Variants in GPC6 observed in about 807,000 individuals in gnomAD.
GPC6 encodes the protein glypican-6.
GPC6 carries 14 observed loss-of-function variants against 55.2 expected under a neutral mutation model. That is an observed-to-expected ratio of 0.25 (90% confidence interval 0.17 to 0.40). GPC6 has a LOEUF of 0.40. Among genes scored for constraint, GPC6 ranks in the 10% least tolerant of loss-of-function variants. The pLI is 1.00. For missense variants in GPC6, 641 were observed against 708.5 expected (o/e 0.90, Z 1.08); for synonymous variants, 278 against 259.6 (o/e 1.07, Z -0.68).
chr13:94,153,981 A>ACT (rs1203318668), intron 4 of GPC6, among the ~76,000 whole-genome samples: 11 of 152,176 alleles, frequency 7.2e-5, no homozygotes, highest in Non-Finnish European at 1.3e-4. Context: ...AAGACTTCAT[A>ACT]AAATAACAAT....
chr13:93,343,147 C>A (rs1021498373), intron 1 of GPC6, among the ~76,000 whole-genome samples: 3 of 149,932 alleles, frequency 2.0e-5, no homozygotes, highest in Non-Finnish European at 4.4e-5. Flanking sequence ...CACTGGCCAG[C>A]ATTTAACCTG....
chr13:93,360,575 AAAAG>A (rs1427822836), intron 1 of GPC6, among the ~76,000 whole-genome samples: 5 of 152,070 alleles, frequency 3.3e-5, no homozygotes, highest in Non-Finnish European at 5.9e-5. Flanking sequence ...TGTAGATAAA[AAAAG>A]TAAGTGCCTA....
chr13:93,952,380 A>C (rs1594615435), intron 3 of GPC6, among the ~76,000 whole-genome samples: 1 of 152,134 alleles, frequency 6.6e-6, no homozygotes, highest in African/African-American at 2.4e-5. Flanking sequence ...AACTAAATTA[A>C]AATCCTGAGT....
At chr13:93,377,774 A>C (rs1874980431) in intron 1 of GPC6, among the ~76,000 whole-genome samples, 1 of 152,342 alleles carries the variant, frequency 6.6e-6, no homozygotes, top group Middle Eastern at 3.4e-3. Flanking sequence ...GATAAACAAA[A>C]TGCTTATGTT....
chr13:94,073,852 T>A (rs1437810923), intron 4 of GPC6, among the ~76,000 whole-genome samples: 1 of 152,178 alleles, frequency 6.6e-6, no homozygotes, highest in Non-Finnish European at 1.5e-5. Context: ...AAAAATGACA[T>A]AAATGGTGCT....
chr13:93,366,057 A>G (rs999590711), intron 1 of GPC6, among the ~76,000 whole-genome samples: 1 of 152,064 alleles, frequency 6.6e-6, no homozygotes, highest in Non-Finnish European at 1.5e-5. Context: ...GAGATACACT[A>G]TATATCTCTG....
At chr13:94,015,141 T>G (rs1242374360) in intron 3 of GPC6, among the ~76,000 whole-genome samples, 1 of 152,238 alleles carries the variant, frequency 6.6e-6, no homozygotes, top group Non-Finnish European at 1.5e-5. Flanking sequence ...TGTACTATTA[T>G]ACATCCCTAT....
intron 1 of GPC6, among the ~76,000 whole-genome samples, chr13:93,528,439 G>C (rs554704385): frequency 1.3e-5 from 2 of 152,224 alleles, no homozygotes; most frequent in South Asian, 4.1e-4. Context: ...CAGCATCTCT[G>C]GTCAGCTGAG....
At chr13:94,002,057 T>C (rs922478579) in intron 3 of GPC6, among the ~76,000 whole-genome samples, 5 of 152,026 alleles carry the variant, frequency 3.3e-5, no homozygotes, top group Non-Finnish European at 5.9e-5. Flanking sequence ...GGCCCTATCT[T>C]ATTGATTATT....
At chr13:94,376,735 T>C (rs1879878314) in intron 6 of GPC6, among the ~76,000 whole-genome samples, 1 of 152,286 alleles carries the variant, frequency 6.6e-6, no homozygotes, top group Middle Eastern at 3.4e-3. Context: ...AGAGCCCGCA[T>C]CGCCAAGACA....
At chr13:94,193,460 C>G (rs1284365221) in intron 4 of GPC6, among the ~76,000 whole-genome samples, 2 of 152,018 alleles carry the variant, frequency 1.3e-5, no homozygotes, top group African/African-American at 4.8e-5. Flanking sequence ...ATGGTTTCGG[C>G]AAAAATAAAA....
At chr13:93,442,847 C>T (rs539340165) in intron 1 of GPC6, among the ~76,000 whole-genome samples, 1 of 152,056 alleles carries the variant, frequency 6.6e-6, no homozygotes, top group South Asian at 2.1e-4. Flanking sequence ...AGTTTTTTAT[C>T]CCCTAACTAT....
Position 93,797,814 on chromosome 13 carries a change from T to TA in GPC6, c.320-32339dup, listed in dbSNP as rs201922423. ...GATCAGTCCACAAGGCTGTGTTTTT[T>TA]ATCTGTAGTCACAGCAGAGTGACTG... On this transcript the variant is annotated intron_variant, in intron 2 of 8. Transcript: ENST00000377047. Among the ~76,000 whole-genome samples the TA allele has an allele frequency of 3.0e-3, 453 of 152,320 alleles. 4 individuals carry two copies. Among genetic ancestry groups the TA allele is most frequent in the East Asian group, 0.02 (104 of 5,168 alleles).
At chr13:93,687,554 C>T (rs1882093738) in intron 2 of GPC6, among the ~76,000 whole-genome samples, 1 of 152,106 alleles carries the variant, frequency 6.6e-6, no homozygotes, top group Admixed American at 6.6e-5. Flanking sequence ...GGTTTAAATA[C>T]TGCTAGAGCC....
At chr13:93,523,273 ATT>A (rs1192868124) in intron 1 of GPC6, among the ~76,000 whole-genome samples, 6 of 150,422 alleles carry the variant, frequency 4.0e-5, no homozygotes, top group African/African-American at 1.5e-4. Context: ...TATTGTGTAT[ATT>A]TATATATGTG....
chr13:94,159,284 A>G (rs964438515), intron 4 of GPC6, among the ~76,000 whole-genome samples: 3 of 152,114 alleles, frequency 2.0e-5, no homozygotes, highest in Admixed American at 2.0e-4. Flanking sequence ...TGCAAAGGAA[A>G]CCAGTATATT....
At chr13:94,107,653 T>C (rs997671138) in intron 4 of GPC6, among the ~76,000 whole-genome samples, 1 of 151,102 alleles carries the variant, frequency 6.6e-6, no homozygotes, top group African/African-American at 2.4e-5. Context: ...GGATAAATCA[T>C]GTACAACTAT....
At chr13:94,323,708 A>G (rs966113259) in intron 6 of GPC6, among the ~76,000 whole-genome samples, 6 of 152,248 alleles carry the variant, frequency 3.9e-5, no homozygotes, top group African/African-American at 1.4e-4. Flanking sequence ...TATTCATGTA[A>G]CAAGATTGCA....
At chr13:93,958,102 G>A (rs1281569897) in intron 3 of GPC6, among the ~76,000 whole-genome samples, 4 of 152,092 alleles carry the variant, frequency 2.6e-5, no homozygotes, top group South Asian at 2.1e-4. Flanking sequence ...TCCTTATAGA[G>A]TCTAGATGTT....
Sources: gnomAD v4.1 joint callset for allele counts (sites outside exome capture counted in the v4.1 genomes callset) on GRCh38, gnomAD v4.1.1 for gene constraint, MANE v1.5 for transcripts, NCBI Gene and HGNC (gene_info 2026-07-23, HGNC 2026-07-21) for gene names.